The following KIAA1549L variants were observed in gnomAD, a reference collection of about 807,000 sequenced individuals.
The protein encoded by KIAA1549L is KIAA1549 like.
KIAA1549L carries 88 observed loss-of-function variants against 160.7 expected under a neutral mutation model. The observed-to-expected ratio is 0.55, with a 90% CI of 0.46 to 0.65. The LOEUF (loss-of-function observed/expected upper bound fraction) is 0.65, where lower values mean the gene tolerates loss of function less well. Among genes scored for constraint, KIAA1549L ranks in the 30% least tolerant of loss-of-function variants. The pLI is 0.00. For missense variants in KIAA1549L, 2,258 were observed against 2,437.5 expected, an observed-to-expected ratio of 0.93 and a Z score of 1.55; for synonymous variants, 950 against 976.7, an observed-to-expected ratio of 0.97 and a Z score of 0.51.
At chr11:33,427,250 G>A (rs1851135989) in intron 1 of KIAA1549L, among the ~76,000 whole-genome samples, 1 of 145,534 alleles carries the variant, frequency 6.9e-6, no homozygotes. Flanking sequence ...AGAAAAAACA[G>A]GTAGAAGAGG....
chr11:33,531,890 G>A lies in KIAA1549L; in HGVS notation c.239-9912G>A, dbSNP rs114856760. On this transcript the variant is annotated intron_variant, in intron 1 of 20. Coordinates refer to ENST00000658780, the MANE Select transcript of KIAA1549L (RefSeq NM_012194.3). ...TGACGGGTCTTGGTGATTTAGAGCC[G>A]TGCTCAGTAATGTTTGCCAAAACAG... Among the ~76,000 whole-genome samples, 739 of 152,226 alleles carry A rather than the reference G, an allele frequency of 4.9e-3. 5 individuals are homozygous for A. Among genetic ancestry groups the A allele is most frequent in the African/African-American group, 0.016 (660 of 41,522 alleles).
intron 10 of KIAA1549L, among the ~76,000 whole-genome samples, chr11:33,576,211 C>G (rs1224292715): frequency 1.3e-5 from 2 of 152,062 alleles, no homozygotes; most frequent in African/African-American, 2.4e-5. Flanking sequence ...TGCCTAAGTC[C>G]CTGACACCTG....
At chr11:33,623,973 A>T (rs1590408423) in intron 16 of KIAA1549L, among the ~76,000 whole-genome samples, 1 of 151,138 alleles carries the variant, frequency 6.6e-6, no homozygotes. Flanking sequence ...TTTTTCCCGG[A>T]CTCTGGGACC....
rs1162054267 is a variant in KIAA1549L, at chr11:33,627,967, G to A, written c.5409+9305G>A. Among the ~76,000 whole-genome samples, 3 of 151,838 alleles carry A rather than the reference G, an allele frequency of 2.0e-5. No homozygotes were observed. In the East Asian group the frequency reaches 5.8e-4, roughly 29 times the overall value. On this transcript the variant is annotated intron_variant, in intron 16 of 20. Transcript: ENST00000658780. ...TACACACTGCTTTGAATGCATCCCA[G>A]AGATTCTGGTATGTTGTGTCTTTGT...
intron 1 of KIAA1549L, among the ~76,000 whole-genome samples, chr11:33,489,763 A>T (rs1177348602): frequency 2.0e-5 from 3 of 152,202 alleles, no homozygotes; most frequent in Non-Finnish European, 2.9e-5. Context: ...TGGCCAGGAC[A>T]TTCCAAGAAT....
At chr11:33,545,491 C>T (rs1453715012) in intron 3 of KIAA1549L, 113 bp downstream of exon 3, 3 of 1,279,902 alleles carry the variant, frequency 2.3e-6, no homozygotes, top group East Asian at 5.1e-5. Context: ...CCACCCTCCC[C>T]CAGGGACATT....
chr11:33,480,975 C>G (rs1351227319), intron 1 of KIAA1549L, among the ~76,000 whole-genome samples: 2 of 152,170 alleles, frequency 1.3e-5, no homozygotes, highest in African/African-American at 2.4e-5. Flanking sequence ...CATTTTTTTC[C>G]CATAGAACTG....
chr11:33,476,897 C>G (rs1852297965), intron 1 of KIAA1549L, among the ~76,000 whole-genome samples: 1 of 152,176 alleles, frequency 6.6e-6, no homozygotes, highest in Non-Finnish European at 1.5e-5. Flanking sequence ...TTGTATGTCT[C>G]TTTCATTAGA....
At chr11:33,438,566 G>A (rs1322836170) in intron 1 of KIAA1549L, among the ~76,000 whole-genome samples, 3 of 152,206 alleles carry the variant, frequency 2.0e-5, no homozygotes, top group Admixed American at 1.3e-4. Flanking sequence ...AGCAATCCCC[G>A]GCCAAGGAGA....
chr11:33,560,156 C>G (rs1854804552), intron 7 of KIAA1549L, among the ~76,000 whole-genome samples: 1 of 152,204 alleles, frequency 6.6e-6, no homozygotes, highest in Non-Finnish European at 1.5e-5. Flanking sequence ...AAAGCACTTG[C>G]TAGTTGCCTT....
chr11:33,461,986 A>G (rs1218931153), intron 1 of KIAA1549L, among the ~76,000 whole-genome samples: 1 of 152,192 alleles, frequency 6.6e-6, no homozygotes, highest in African/African-American at 2.4e-5. Flanking sequence ...CTGTAGTCAA[A>G]ATTGTGGAGA....
intron 15 of KIAA1549L, among the ~76,000 whole-genome samples, chr11:33,612,089 T>G (rs2133334033): frequency 6.6e-6 from 1 of 152,154 alleles, no homozygotes; most frequent in Admixed American, 6.5e-5. Flanking sequence ...TTTTGACCAG[T>G]TAAGGGGAAA....
At chr11:33,398,861 A>G (rs1045155370) in intron 1 of KIAA1549L, among the ~76,000 whole-genome samples, 1 of 152,154 alleles carries the variant, frequency 6.6e-6, no homozygotes, top group African/African-American at 2.4e-5. Flanking sequence ...TGTTTCGTAT[A>G]TAGTCTTAGT....
At chr11:33,479,338 C>T (rs765387784) in intron 1 of KIAA1549L, among the ~76,000 whole-genome samples, 12 of 152,160 alleles carry the variant, frequency 7.9e-5, no homozygotes, top group Non-Finnish European at 1.6e-4. Flanking sequence ...CTGTGATTGG[C>T]CAGCGTTAGG....
intron 9 of KIAA1549L, among the ~76,000 whole-genome samples, 166 bp from the exon 10 acceptor site, chr11:33,574,536 C>T (rs73492932): frequency 0.033 from 4,982 of 152,300 alleles, 249 homozygotes; most frequent in African/African-American, 0.11. Flanking sequence ...CCTGCTCCAG[C>T]GAGAGCAGGC....
rs144511740 is a variant in KIAA1549L, at chr11:33,577,156, C to T, written c.4402+2283C>T. Among the ~76,000 whole-genome samples the T allele has an allele frequency of 2.9e-3, 442 of 152,066 alleles. 4 individuals are homozygous for T. Among genetic ancestry groups the T allele is most frequent in the African/African-American group, 0.01 (422 of 41,476 alleles). On this transcript the variant is annotated intron_variant, in intron 10 of 20. Transcript: ENST00000658780. ...TCACGGGAGGGAGAGAACTGCGTGT[C>T]GATTTATATTCCCAAGAGGCAGGGC...
intron 16 of KIAA1549L, among the ~76,000 whole-genome samples, chr11:33,630,014 G>A (rs374674488): frequency 3.9e-5 from 6 of 152,026 alleles, no homozygotes; most frequent in Non-Finnish European, 5.9e-5. Context: ...CAGACAGGAC[G>A]CTCAGCTGCA....
intron 1 of KIAA1549L, among the ~76,000 whole-genome samples, chr11:33,449,646 G>A (rs1473291165): frequency 6.6e-6 from 1 of 152,096 alleles, no homozygotes; most frequent in African/African-American, 2.4e-5. Context: ...TTCAGTGGGT[G>A]CTTTTGAAAT....
At chr11:33,667,008 TTC>T (rs1299256055) in intron 20 of KIAA1549L, among the ~76,000 whole-genome samples, 1 of 152,190 alleles carries the variant, frequency 6.6e-6, no homozygotes, top group African/African-American at 2.4e-5. Context: ...ACATAAACAG[TTC>T]TGTTTGCTGG....
Sources: allele counts gnomAD v4.1 joint callset (sites outside exome capture counted in the v4.1 genomes callset), GRCh38; gene constraint gnomAD v4.1.1; transcripts MANE v1.5; gene names NCBI Gene and HGNC (gene_info 2026-07-23, HGNC 2026-07-21).